The following CASK variants were observed in gnomAD, a reference collection of about 807,000 sequenced individuals.
The protein encoded by CASK is calcium/calmodulin dependent serine protein kinase.
In CASK, 4 loss-of-function variants were observed where a neutral mutation model predicts 82.9. That is an observed-to-expected ratio of 0.05 (90% confidence interval 0.02 to 0.11). CASK has a LOEUF of 0.11. Among genes scored for constraint, CASK ranks in the 10% least tolerant of loss-of-function variants. The pLI, the probability that CASK is intolerant of heterozygous loss-of-function variation, is 1.00. For missense variants in CASK, 358 were observed against 720.9 expected (o/e 0.50, Z 5.76); for synonymous variants, 259 against 253.5 (o/e 1.02, Z -0.20).
At chrX:41,600,467 ATTGTAC>A (rs949001400) in intron 12 of CASK, among the ~76,000 whole-genome samples, 3 of 111,130 alleles carry the variant, frequency 2.7e-5, no homozygotes, top group African/African-American at 9.8e-5. Context: ...ATCAGTGCTT[ATTGTAC>A]TTAGAAGGCT....
chrX:41,619,623 C>A (rs746079232), intron 11 of CASK, among the ~76,000 whole-genome samples: 6 of 111,721 alleles, frequency 5.4e-5, no homozygotes, highest in African/African-American at 1.9e-4. Flanking sequence ...AGCTTTGAGT[C>A]TAGAATAATC....
chrX:41,814,576 C>T (rs2070374342), intron 2 of CASK, among the ~76,000 whole-genome samples: 1 of 89,035 alleles, frequency 1.1e-5, no homozygotes, highest in Admixed American at 1.5e-4. Flanking sequence ...GAACATCACA[C>T]ACCGGGGCCT....
At chrX:41,744,394 G>T (rs1399715254) in intron 4 of CASK, among the ~76,000 whole-genome samples, 3 of 105,240 alleles carry the variant, frequency 2.9e-5, no homozygotes, top group African/African-American at 1.0e-4. Flanking sequence ...CGCCCAGGCT[G>T]GAGTGCAATG....
intron 2 of CASK, among the ~76,000 whole-genome samples, chrX:41,790,973 T>G (rs2069700963): frequency 9.0e-6 from 1 of 111,658 alleles, no homozygotes; most frequent in African/African-American, 3.3e-5. Context: ...AAGCAGGTGA[T>G]GAAAATATGA....
chrX:41,608,531 T>G (rs1330867171), intron 12 of CASK, among the ~76,000 whole-genome samples: 1 of 112,030 alleles, frequency 8.9e-6, no homozygotes, highest in African/African-American at 3.2e-5. Context: ...AGTATGATTC[T>G]CTCATTAAGG....
intron 3 of CASK, among the ~76,000 whole-genome samples, chrX:41,766,662 G>A (rs1366527835): frequency 3.6e-5 from 4 of 112,028 alleles, no homozygotes; most frequent in African/African-American, 1.3e-4. Context: ...AGAGGCAGGT[G>A]GATCACTTGA....
chrX:41,671,619 T>C, intron 5 of CASK, 89 bp from the exon 6 acceptor site: 3 of 569,467 alleles, frequency 5.3e-6, no homozygotes, highest in Non-Finnish European at 9.2e-6. Context: ...TTACATAAAA[T>C]TAGATAACAT....
chrX:41,726,975 T>A, intron 5 of CASK: 1 of 646,511 alleles, frequency 1.5e-6, no homozygotes, highest in Non-Finnish European at 2.3e-6. Flanking sequence ...ATATTAAATA[T>A]CTGCAATTCT....
chrX:41,549,088 T>C (rs1207068007), intron 21 of CASK, among the ~76,000 whole-genome samples: 1 of 111,546 alleles, frequency 9.0e-6, no homozygotes, highest in Non-Finnish European at 1.9e-5. Flanking sequence ...AGCTAAAATA[T>C]ATTGAAGGGC....
chrX:41,620,227 A>G (rs944331743), intron 11 of CASK, among the ~76,000 whole-genome samples: 1 of 112,534 alleles, frequency 8.9e-6, no homozygotes, highest in African/African-American at 3.2e-5. Flanking sequence ...GCAGTATGCC[A>G]TCTTATTTAA....
Position 41,517,875 on chromosome X carries a change from T to G in CASK, c.*2545A>C. 1.7e-6 allele frequency: 1 copy of G among 573,850 alleles called. No homozygotes were observed. Among genetic ancestry groups the G allele is most frequent in the Non-Finnish European group, 2.9e-6 (1 of 349,720 alleles). 47.3% of individuals were successfully genotyped at this position (573,850 alleles called of 1,213,427 possible). Reference sequence around the variant, plus strand: ...AATGTAAGTATATGCAGCTAGGTCATAAAGACACTGCTTTAGAGAAGACAT... The same window carrying G: ...AATGTAAGTATATGCAGCTAGGTCAGAAAGACACTGCTTTAGAGAAGACAT... On this transcript the variant is annotated 3_prime_UTR_variant, in exon 27 of 27. Transcript: ENST00000378163.
At chrX:41,744,585 C>T (rs1218218723) in intron 4 of CASK, among the ~76,000 whole-genome samples, 1 of 110,490 alleles carries the variant, frequency 9.1e-6, no homozygotes, top group Non-Finnish European at 1.9e-5. Context: ...ACCTCGTGAT[C>T]TACCCGCCTC....
chrX:41,682,041 C>A (rs1602455483), intron 5 of CASK, among the ~76,000 whole-genome samples: 1 of 74,282 alleles, frequency 1.3e-5, no homozygotes, highest in African/African-American at 4.9e-5. Context: ...ATGAATCCAA[C>A]ATAAGGACCA....
chrX:41,789,506 G>C (rs963006023), intron 2 of CASK, among the ~76,000 whole-genome samples: 1 of 111,249 alleles, frequency 9.0e-6, no homozygotes, highest in Non-Finnish European at 1.9e-5. Flanking sequence ...CCCGCAGGAG[G>C]GGAGGATGTG....
At chrX:41,894,314 A>G (rs2072231309) in intron 1 of CASK, among the ~76,000 whole-genome samples, 1 of 111,352 alleles carries the variant, frequency 9.0e-6, no homozygotes, top group Admixed American at 9.5e-5. Context: ...AAAATCAGCA[A>G]ACTTGAAGCT....
intron 5 of CASK, among the ~76,000 whole-genome samples, chrX:41,699,629 T>C (rs777213894): frequency 9.0e-6 from 1 of 111,050 alleles, no homozygotes; most frequent in South Asian, 3.8e-4. Flanking sequence ...CTAGAAGCTG[T>C]CTCATTATAC....
At chrX:41,747,677 G>A (rs1357601413) in intron 3 of CASK, among the ~76,000 whole-genome samples, 1 of 111,916 alleles carries the variant, frequency 8.9e-6, no homozygotes, top group Non-Finnish European at 1.9e-5. Context: ...TCCTGACCTC[G>A]TGATCCGCCC....
chrX:41,889,603 A>G (rs1418897670), intron 1 of CASK, among the ~76,000 whole-genome samples: 1 of 111,983 alleles, frequency 8.9e-6, no homozygotes, highest in African/African-American at 3.3e-5. Context: ...ATATTTTGAA[A>G]GTAACATTTA....
At chrX:41,866,594 C>T (rs184015688) in intron 1 of CASK, among the ~76,000 whole-genome samples, 8 of 111,868 alleles carry the variant, frequency 7.2e-5, no homozygotes, top group East Asian at 2.8e-4. Flanking sequence ...AGTAAGTCTA[C>T]GCCTTTTTGT....
Sources: gnomAD v4.1 joint callset for allele counts (sites outside exome capture counted in the v4.1 genomes callset) on GRCh38, gnomAD v4.1.1 for gene constraint, MANE v1.5 for transcripts, NCBI Gene and HGNC (gene_info 2026-07-23, HGNC 2026-07-21) for gene names.